The following SND1 variants were observed in gnomAD, a reference collection of about 807,000 sequenced individuals.
SND1 encodes the protein staphylococcal nuclease domain-containing protein 1.
Under a neutral mutation model 121.7 loss-of-function variants are expected in SND1, and 38 were observed. The ratio of observed to expected loss-of-function variants is 0.31; its 90% CI spans 0.24 to 0.41. The LOEUF is 0.41. SND1 is among the 10% of genes least tolerant of loss of function. The pLI is 1.00. For missense variants in SND1, 868 were observed against 1,184.6 expected, an observed-to-expected ratio of 0.73 and a Z score of 3.92; for synonymous variants, 401 against 447.4, an observed-to-expected ratio of 0.90 and a Z score of 1.31.
chr7:127,762,357 G>A (rs941983673), intron 10 of SND1, among the ~76,000 whole-genome samples: 27 of 152,254 alleles, frequency 1.8e-4, no homozygotes, highest in Admixed American at 3.3e-4. Context: ...TTTCTTCTGA[G>A]ACCTCTCTTA....
intron 16 of SND1, chr7:128,027,894 A>G (rs1803525334): frequency 6.6e-6 from 1 of 152,266 alleles, no homozygotes; most frequent in Non-Finnish European, 1.5e-5. Context: ...GTTAAGCCCA[A>G]CTGCAGGAAT....
intron 5 of SND1, 81 bp from the exon 6 acceptor site, chr7:127,702,354 G>A: frequency 1.6e-6 from 2 of 1,279,056 alleles, no homozygotes; most frequent in Non-Finnish European, 2.3e-6. Context: ...AGGAAACTGT[G>A]TTAAGTGCAG....
At chr7:127,976,214 G>A (rs1466577979) in intron 15 of SND1, among the ~76,000 whole-genome samples, 1 of 152,154 alleles carries the variant, frequency 6.6e-6, no homozygotes, top group East Asian at 1.9e-4. Flanking sequence ...ATCAGTCCTC[G>A]CCACTCCCTC....
chr7:127,956,074 A>C (rs1801586089), intron 15 of SND1, among the ~76,000 whole-genome samples: 1 of 152,192 alleles, frequency 6.6e-6, no homozygotes, highest in Non-Finnish European at 1.5e-5. Flanking sequence ...GGTGTAAGTA[A>C]GTATATGGCT....
chr7:128,035,609 A>C (rs1792736048), intron 16 of SND1, among the ~76,000 whole-genome samples: 1 of 152,230 alleles, frequency 6.6e-6, no homozygotes, highest in Non-Finnish European at 1.5e-5. Context: ...CAGTTCCTCT[A>C]AGTAACAATG....
chr7:127,797,081 CAG>C (rs1368592098), intron 10 of SND1, among the ~76,000 whole-genome samples: 1 of 151,930 alleles, frequency 6.6e-6, no homozygotes, highest in Non-Finnish European at 1.5e-5. Context: ...TTAGTGGAGA[CAG>C]GGTTTCACCA....
intron 16 of SND1, among the ~76,000 whole-genome samples, chr7:128,006,878 T>C (rs554968543): frequency 6.6e-6 from 1 of 152,256 alleles, no homozygotes; most frequent in African/African-American, 2.4e-5. Context: ...CCAGGGCTGG[T>C]TGTTGCCAGC....
chr7:128,084,633 G>C (rs1793658387), intron 18 of SND1, 91 bp from the exon 19 acceptor site: 1 of 1,400,112 alleles, frequency 7.1e-7, no homozygotes, highest in Admixed American at 2.5e-5. Flanking sequence ...ATTTTACATT[G>C]AGCTCCCTCC....
chr7:127,815,187 C>T (rs1276750399), intron 11 of SND1, among the ~76,000 whole-genome samples: 1 of 152,142 alleles, frequency 6.6e-6, no homozygotes, highest in Non-Finnish European at 1.5e-5. Context: ...TGCACAGCAT[C>T]TCCCCAGAAT....
intron 11 of SND1, among the ~76,000 whole-genome samples, chr7:127,830,377 G>GT (rs2116622539): frequency 6.6e-6 from 1 of 152,278 alleles, no homozygotes; most frequent in South Asian, 2.1e-4. Flanking sequence ...GCTAATGCTG[G>GT]TTGGCATTTT....
intron 16 of SND1, among the ~76,000 whole-genome samples, chr7:128,071,185 A>T (rs1239312360): frequency 6.6e-6 from 1 of 152,244 alleles, no homozygotes; most frequent in Admixed American, 6.5e-5. Context: ...AGCTTCATTC[A>T]GGCATAAGTC....
At chr7:127,892,210 T>C (rs1800021176) in intron 13 of SND1, among the ~76,000 whole-genome samples, 1 of 152,142 alleles carries the variant, frequency 6.6e-6, no homozygotes, top group Non-Finnish European at 1.5e-5. Flanking sequence ...TAGAAGTTGA[T>C]GAGCTTTCTC....
intron 13 of SND1, among the ~76,000 whole-genome samples, chr7:127,893,106 T>C (rs1226549290): frequency 1.3e-5 from 2 of 152,110 alleles, no homozygotes; most frequent in Non-Finnish European, 2.9e-5. Flanking sequence ...ATTTCCAAGA[T>C]AGTGAGTCAT....
intron 10 of SND1, among the ~76,000 whole-genome samples, chr7:127,745,707 C>T (rs1796969223): frequency 6.6e-6 from 1 of 152,114 alleles, no homozygotes; most frequent in Non-Finnish European, 1.5e-5. Flanking sequence ...CTAAGGGCTA[C>T]CACAAAGTTA....
At chr7:128,089,122 T>C (rs1793733548) in intron 21 of SND1, among the ~76,000 whole-genome samples, 1 of 152,140 alleles carries the variant, frequency 6.6e-6, no homozygotes, top group Non-Finnish European at 1.5e-5. Context: ...TGGCGCAATA[T>C]TGGCTCACTG....
chr7:127,852,942 C>T (rs1384975530), intron 12 of SND1, among the ~76,000 whole-genome samples: 1 of 152,130 alleles, frequency 6.6e-6, no homozygotes, highest in East Asian at 1.9e-4. Context: ...AAACTTTCAT[C>T]TGCATTTATG....
intron 13 of SND1, among the ~76,000 whole-genome samples, chr7:127,889,399 G>A (rs1300381292): frequency 2.0e-5 from 3 of 151,532 alleles, no homozygotes; most frequent in African/African-American, 7.3e-5. Flanking sequence ...GTATATAACA[G>A]ATGTATGTAT....
At chr7:128,065,277 C>A (rs1793293907) in intron 16 of SND1, among the ~76,000 whole-genome samples, 1 of 152,210 alleles carries the variant, frequency 6.6e-6, no homozygotes, top group Non-Finnish European at 1.5e-5. Context: ...ATGCTAAATG[C>A]TTCTTAACAG....
rs144273917 is a variant in SND1 at position 127,835,011 on chromosome 7, G to T, written c.1243-9313G>T. Among the ~76,000 whole-genome samples, 20 of 152,282 alleles carry T rather than the reference G, an allele frequency of 1.3e-4. No individual in the cohort carries two copies. In the East Asian group the frequency reaches 3.1e-3, roughly 23 times the overall value. On this transcript the variant is annotated intron_variant, in intron 11 of 23. Coordinates refer to ENST00000354725, the MANE Select transcript of SND1 (RefSeq NM_014390.4). Reference sequence around the variant, plus strand: ...TCCCCAGGGAAATAGGAGTTTATTGGAACTCTTGGCAGGGTGAATACTTTA... The same window carrying T: ...TCCCCAGGGAAATAGGAGTTTATTGTAACTCTTGGCAGGGTGAATACTTTA...
Sources: gnomAD v4.1 joint callset for allele counts (sites outside exome capture counted in the v4.1 genomes callset) on GRCh38, gnomAD v4.1.1 for gene constraint, MANE v1.5 for transcripts, NCBI Gene and HGNC (gene_info 2026-07-23, HGNC 2026-07-21) for gene names.